The following ZBTB16 variants were observed in gnomAD, a reference collection of about 807,000 sequenced individuals.
The protein encoded by ZBTB16 is zinc finger and BTB domain containing 16.
ZBTB16 carries 8 observed loss-of-function variants against 56.8 expected under a neutral mutation model. The ratio of observed to expected loss-of-function variants is 0.14; its 90% CI spans 0.08 to 0.25. The LOEUF is 0.25. ZBTB16 is among the 10% of genes least tolerant of loss of function. The pLI is 1.00. For missense variants in ZBTB16, 625 were observed against 903.0 expected (o/e 0.69, Z 3.95); for synonymous variants, 363 against 368.5 (o/e 0.98, Z 0.17).
rs1052746388 is a variant in ZBTB16 at position 114,235,660 on chromosome 11, T to C, written c.1454-6507T>C. Reference sequence around the variant, plus strand: ...TTTCTTTCTTTCTTTCTTTCTTTCTTTCTTTCTTTCTTTCTTTCTTTCTTT... The same window carrying C: ...TTTCTTTCTTTCTTTCTTTCTTTCTCTCTTTCTTTCTTTCTTTCTTTCTTT... On this transcript the variant is annotated intron_variant, in intron 4 of 6. Transcript: ENST00000335953. 3.8e-4 allele frequency among the ~76,000 whole-genome samples: 9 copies of C among 23,912 alleles called. 1 individual carries two copies. In the East Asian group the frequency reaches 9.3e-3, roughly 25 times the overall value. 15.7% of individuals were successfully genotyped at this position (23,912 alleles called of 152,430 possible).
rs1300930556 is a variant in ZBTB16, at chr11:114,063,178, C to G, written c.-90-33C>G. On this transcript the variant is annotated intron_variant, in intron 1 of 6. Transcript: ENST00000335953. This position sits in a 1 kb window ranked among gnomAD's most constrained non-coding sequence, Gnocchi z 6.5. ...ATGAATTTGTCTTTTGTTCTCTCAT[C>G]TCTTTTGCTTCTTCCCCTCTTCTTT... is the stretch of plus-strand genomic sequence containing the variant. 2 of 1,089,638 alleles carry G rather than the reference C, an allele frequency of 1.8e-6. No individual in the cohort carries two copies. Among genetic ancestry groups the G allele is most frequent in the African/African-American group, 1.6e-5 (1 of 63,808 alleles). 67.5% of individuals were successfully genotyped at this position (1,089,638 alleles called of 1,614,324 possible). A position where few individuals can be genotyped will look rare whatever the true frequency, so the allele number is the denominator to read the frequency against.
intron 2 of ZBTB16, among the ~76,000 whole-genome samples, chr11:114,134,679 G>A (rs1941753123): frequency 1.3e-5 from 2 of 152,060 alleles, no homozygotes; most frequent in African/African-American, 2.4e-5. Context: ...GGTAAGGCTC[G>A]AAGAACTGAA....
rs759769647 is a variant in ZBTB16 at position 114,063,947 on chromosome 11, G to A, written c.647G>A (p.Gly216Glu). 1 of 1,613,794 alleles carries A rather than the reference G, an allele frequency of 6.2e-7. No individual in the cohort carries two copies. Among genetic ancestry groups the A allele is most frequent in the Admixed American group, 1.7e-5 (1 of 60,020 alleles). Residue 216 changes from glycine to glutamate, a missense_variant, in exon 2 of 7, where the codon GGA (glycine) becomes GAA (glutamate). This residue lies in a region of ZBTB16 where 384 missense variants were observed against 393.5 expected (regional missense o/e 0.98). Transcript: ENST00000335953. This position sits in a 1 kb window ranked among gnomAD's most constrained non-coding sequence, Gnocchi z 6.5. ...ACCATAGGACAGTCTCTCCTGCAGG[G>A]AACTCTTCAGCCACCTGCAGGGCCC... is the stretch of plus-strand genomic sequence containing the variant. ...LMTIGQSLLQ[G>E]TLQPPAGPEE...
intron 4 of ZBTB16, among the ~76,000 whole-genome samples, chr11:114,220,995 G>T (rs180893333): frequency 5.5e-4 from 84 of 152,332 alleles, no homozygotes; most frequent in African/African-American, 1.7e-3. Context: ...TGTGCAGGTC[G>T]TAGAATACGT....
intron 2 of ZBTB16, among the ~76,000 whole-genome samples, chr11:114,089,488 C>CAGGT (rs1940100972): frequency 6.6e-6 from 1 of 152,126 alleles, no homozygotes; most frequent in African/African-American, 2.4e-5. Flanking sequence ...CCCAACCTGG[C>CAGGT]AGGTAGCACA....
At position 114,250,608 on chromosome 11, in the gene ZBTB16, A is replaced by C; in HGVS notation, c.*53A>C. The stretch of plus-strand genomic sequence containing the variant: ...CGGGGAGCCAGGAAAGAAGAGTTGG[A>C]GTGAGATGAAGGAAGGACTATGACA... On this transcript the variant is annotated 3_prime_UTR_variant, in exon 7 of 7. Transcript: ENST00000335953. This position sits in a 1 kb window ranked among gnomAD's most constrained non-coding sequence, Gnocchi z 6.0. 1 of 1,545,356 alleles carries C rather than the reference A, an allele frequency of 6.5e-7. No individual in the cohort carries two copies. The highest frequency in any genetic ancestry group is 8.9e-7 in the Non-Finnish European group (1 of 1,118,572).
In ZBTB16 at chr11:114,251,411, T is replaced by C. The variant is rs1341443915; in HGVS notation, c.*856T>C. On this transcript the variant is annotated 3_prime_UTR_variant, in exon 7 of 7. Transcript: ENST00000335953. ...GCACCATCGTGAGCAAGATTCCTGC[T>C]GCGCTGCTTCCAAAATGGAAAAGCA... Among the ~76,000 whole-genome samples, 2 of 152,210 alleles carry C rather than the reference T, an allele frequency of 1.3e-5. No individual in the cohort carries two copies. The highest frequency in any genetic ancestry group is 4.8e-5 in the African/African-American group (2 of 41,454).
intron 3 of ZBTB16, among the ~76,000 whole-genome samples, chr11:114,160,047 G>A (rs903628242): frequency 2.6e-5 from 4 of 151,970 alleles, no homozygotes; most frequent in African/African-American, 9.7e-5. Flanking sequence ...CCTTGCACTG[G>A]CACATTCCTG....
intron 2 of ZBTB16, among the ~76,000 whole-genome samples, chr11:114,119,152 A>G (rs1941264637): frequency 6.6e-6 from 1 of 150,618 alleles, no homozygotes; most frequent in Non-Finnish European, 1.5e-5. Flanking sequence ...TTAGTCCCAG[A>G]TACCTGAGAG....
intron 2 of ZBTB16, among the ~76,000 whole-genome samples, chr11:114,089,735 G>A (rs1940113355): frequency 6.6e-6 from 1 of 152,218 alleles, no homozygotes; most frequent in Non-Finnish European, 1.5e-5. Flanking sequence ...ATCTGAGTTA[G>A]TCAATGTGCT....
chr11:114,199,380 G>A (rs1038426760), intron 4 of ZBTB16, among the ~76,000 whole-genome samples: 39 of 151,652 alleles, frequency 2.6e-4, no homozygotes, highest in Non-Finnish European at 4.6e-4. Context: ...CATGGATGCC[G>A]CTGGGCCCCG....
chr11:114,123,581 TG>T (rs1200197261), intron 2 of ZBTB16, among the ~76,000 whole-genome samples: 2 of 152,182 alleles, frequency 1.3e-5, no homozygotes, highest in South Asian at 2.1e-4. Flanking sequence ...AAGGAATGTT[TG>T]AGGGTGGCCT....
intron 3 of ZBTB16, among the ~76,000 whole-genome samples, chr11:114,165,112 G>GT (rs1424561695): frequency 6.6e-6 from 1 of 151,810 alleles, no homozygotes; most frequent in Non-Finnish European, 1.5e-5. Flanking sequence ...CCACCTCAAA[G>GT]TTTTTTTTAG....
intron 5 of ZBTB16, among the ~76,000 whole-genome samples, chr11:114,244,868 C>A (rs1221020289): frequency 6.6e-6 from 1 of 152,284 alleles, no homozygotes; most frequent in African/African-American, 2.4e-5. Flanking sequence ...CCGCCGCCTT[C>A]ACCCCCACCC....
At chr11:114,106,080 G>A (rs1321392078) in intron 2 of ZBTB16, among the ~76,000 whole-genome samples, 1 of 152,014 alleles carries the variant, frequency 6.6e-6, no homozygotes, top group East Asian at 1.9e-4. Flanking sequence ...CTCTCCCCGC[G>A]TTCACCCCCA....
In ZBTB16 at chr11:114,064,038, G is replaced by T; in HGVS notation, c.738G>T (p.Met246Ile). Residue 246 changes from methionine to isoleucine, a missense_variant, in exon 2 of 7, where the codon ATG becomes ATT. By Grantham distance (10) the Met-to-Ile change is conservative. This residue lies in a region of ZBTB16 where 384 missense variants were observed against 393.5 expected (regional missense o/e 0.98). Coordinates refer to ENST00000335953, the MANE Select transcript of ZBTB16 (RefSeq NM_006006.6). This position sits in a 1 kb window ranked among gnomAD's most constrained non-coding sequence, Gnocchi z 4.2. ...TGGCTGAGGTGAAGACGGAGATGATGCAGGTGGATGAGGTGCCCAGCCAGG... is the reference window on the plus strand; with the variant it reads ...TGGCTGAGGTGAAGACGGAGATGATTCAGGTGGATGAGGTGCCCAGCCAGG... Reference protein sequence around the residue: ...PGVAEVKTEMMQVDEVPSQDS... With the variant: ...PGVAEVKTEMIQVDEVPSQDS... 6.2e-7 allele frequency: 1 copy of T among 1,613,330 alleles called. No individual in the cohort carries two copies. The highest frequency in any genetic ancestry group is 1.1e-5 in the South Asian group (1 of 91,044).
intron 2 of ZBTB16, among the ~76,000 whole-genome samples, chr11:114,107,195 G>C (rs565597239): frequency 6.6e-6 from 1 of 152,160 alleles, no homozygotes; most frequent in African/African-American, 2.4e-5. Context: ...GCAAGGTCAC[G>C]CTGTCAACAA....
Position 114,253,774 on chromosome 11 carries a change from A to G in ZBTB16, c.*3219A>G, listed in dbSNP as rs1027192651. ...GAACAGTTCTAATGTTGCACGGCCT[A>G]GTGGCCAGGGGGCAAGCTAAGAGGC... On this transcript the variant is annotated 3_prime_UTR_variant, in exon 7 of 7. Transcript: ENST00000335953. Among the ~76,000 whole-genome samples the G allele has an allele frequency of 1.3e-5, 2 of 152,228 alleles. No homozygotes were observed. The highest frequency in any genetic ancestry group is 4.8e-5 in the African/African-American group (2 of 41,446).
At chr11:114,164,786 C>T (rs911692309) in intron 3 of ZBTB16, among the ~76,000 whole-genome samples, 3 of 152,120 alleles carry the variant, frequency 2.0e-5, no homozygotes, top group Non-Finnish European at 4.4e-5. Flanking sequence ...ATCCATCACG[C>T]TACTGCGGCC....
Sources: allele counts gnomAD v4.1 joint callset (sites outside exome capture counted in the v4.1 genomes callset), GRCh38; gene constraint gnomAD v4.1.1; regional missense constraint gnomAD v4.1.1; non-coding constraint Gnocchi (gnomAD v3.1); transcripts MANE v1.5; gene names NCBI Gene and HGNC (gene_info 2026-07-23, HGNC 2026-07-21).